The following RBM47 variants were observed in gnomAD, a reference collection of about 807,000 sequenced individuals.
RBM47 encodes the protein RNA binding motif protein 47, also known as RNA-binding protein 47.
A neutral mutation model predicts 47.1 loss-of-function variants in RBM47; 21 were observed. The ratio of observed to expected loss-of-function variants is 0.45; its 90% CI spans 0.32 to 0.64. The LOEUF (loss-of-function observed/expected upper bound fraction) is 0.64, where lower values mean the gene tolerates loss of function less well. Ranked by LOEUF, RBM47 falls within the 30% of genes least tolerant of loss-of-function variation. The pLI is 0.05. For synonymous variants in RBM47, 375 were observed against 361.7 expected (o/e 1.04, Z -0.42); for missense variants, 708 against 870.9 (o/e 0.81, Z 2.35).
At chr4:40,507,725 G>C (rs1226436000) in intron 2 of RBM47, among the ~76,000 whole-genome samples, 1 of 151,946 alleles carries the variant, frequency 6.6e-6, no homozygotes, top group Non-Finnish European at 1.5e-5. Flanking sequence ...GGCGGAGGTT[G>C]CAGTGACCCG....
upstream of RBM47, chr4:40,630,591 G>A (rs7690530): frequency 0.42 from 63,632 of 152,066 alleles, 15,143 homozygotes; most frequent in African/African-American, 0.64. Context: ...GCTCATTTTA[G>A]TGCGCTCTGA....
intron 2 of RBM47, among the ~76,000 whole-genome samples, chr4:40,540,882 GATAT>G (rs1728468171): frequency 6.6e-6 from 1 of 151,172 alleles, no homozygotes; most frequent in South Asian, 2.1e-4. Flanking sequence ...CAAGCTTATT[GATAT>G]AAATCATATA....
Position 40,428,074 on chromosome 4 carries a change from T to C in RBM47, c.1543-1931A>G, listed in dbSNP as rs950029381. 5.9e-5 allele frequency among the ~76,000 whole-genome samples: 9 copies of C among 152,156 alleles called. No homozygotes were observed. In the South Asian group the frequency reaches 1.9e-3, roughly 32 times the overall value. On this transcript the variant is annotated intron_variant, in intron 6 of 6. Transcript: ENST00000295971. ...GCCATGGCGGTGCGTACTCCTGTAG[T>C]TCCAGCTACTCAAGAGGCTGAGGTG...
chr4:40,616,487 G>C (rs1736747377), intron 1 of RBM47, among the ~76,000 whole-genome samples: 2 of 151,942 alleles, frequency 1.3e-5, no homozygotes, highest in East Asian at 3.9e-4. Flanking sequence ...GGAGGTTGTA[G>C]TGTGGCGCTA....
chr4:40,545,934 C>T (rs190736967), intron 1 of RBM47, among the ~76,000 whole-genome samples: 1 of 151,986 alleles, frequency 6.6e-6, no homozygotes, highest in Non-Finnish European at 1.5e-5. Flanking sequence ...GCCTTTGGGG[C>T]CTAGCACACA....
At chr4:40,508,151 T>C (rs1724384118) in intron 2 of RBM47, among the ~76,000 whole-genome samples, 1 of 152,194 alleles carries the variant, frequency 6.6e-6, no homozygotes, top group Admixed American at 6.5e-5. Context: ...TCTGGCATTG[T>C]CTTTGCCAGG....
rs2154207193 is a variant in RBM47, at chr4:40,424,882, T to C, written c.*1022A>G. 6.6e-6 allele frequency: 1 copy of C among 152,146 alleles called. No homozygotes were observed. Among genetic ancestry groups the C allele is most frequent in the Middle Eastern group, 3.4e-3 (1 of 294 alleles). The allele number at this position is 152,146 out of a possible 1,614,324, so 9.4% of individuals were successfully genotyped here. A position where few individuals can be genotyped will look rare whatever the true frequency, so the allele number is the denominator to read the frequency against. ...TAAAGTTTTACATTGGGCAATTAAATAGCTATGCAAAGGTGTCTTATGCAA... is the reference window on the plus strand; with the variant it reads ...TAAAGTTTTACATTGGGCAATTAAACAGCTATGCAAAGGTGTCTTATGCAA... On this transcript the variant is annotated 3_prime_UTR_variant, in exon 7 of 7. Coordinates refer to ENST00000295971, the MANE Select transcript of RBM47 (RefSeq NM_001098634.2).
intron 1 of RBM47, among the ~76,000 whole-genome samples, chr4:40,587,926 G>A (rs1733750321): frequency 6.6e-6 from 1 of 152,204 alleles, no homozygotes; most frequent in South Asian, 2.1e-4. Flanking sequence ...AGCCAGCCCT[G>A]AAATGGGGCC....
intron 1 of RBM47, among the ~76,000 whole-genome samples, chr4:40,615,835 T>C (rs991473478): frequency 1.3e-5 from 2 of 152,118 alleles, no homozygotes; most frequent in African/African-American, 4.8e-5. Flanking sequence ...TCATATCCTT[T>C]TGGAAACTGA....
In RBM47 at chr4:40,468,199, A is replaced by T. The variant is rs189710280; in HGVS notation, c.-154-1500T>A. Among the ~76,000 whole-genome samples the T allele has an allele frequency of 8.1e-3, 1,241 of 152,290 alleles. 18 individuals are homozygous for T. The highest frequency in any genetic ancestry group is 0.028 in the African/African-American group (1,149 of 41,546). Reference sequence around the variant, plus strand: ...CTACTCAGGAGGCTGAGGCAGGAGAATCACTTGAACCTGGGATGCGGAGGC... The same window carrying T: ...CTACTCAGGAGGCTGAGGCAGGAGATTCACTTGAACCTGGGATGCGGAGGC... On this transcript the variant is annotated intron_variant, in intron 2 of 6. Transcript: ENST00000295971.
chr4:40,625,691 T>G, intron 1 of RBM47, among the ~76,000 whole-genome samples: 1 of 152,194 alleles, frequency 6.6e-6, no homozygotes, highest in Non-Finnish European at 1.5e-5. Context: ...AGGAACCCAC[T>G]GTGGTCTTCG....
In RBM47 at chr4:40,438,034, T is replaced by G. The variant is rs1712967238; in HGVS notation, c.860A>C (p.His287Pro). ...VKKIRDYAFV[H>P]FTSREDAVHA... ...CACGGCATCCTCGCGGCTGGTGAAGTGCACGAAGGCGTAGTCGCGGATCTT... is the reference window on the plus strand; with the variant it reads ...CACGGCATCCTCGCGGCTGGTGAAGGGCACGAAGGCGTAGTCGCGGATCTT... Residue 287 changes from histidine to proline, a missense_variant, in exon 4 of 7, where the codon CAC becomes CCC. By Grantham distance (77) the His-to-Pro change is moderately conservative. Transcript: ENST00000295971. The G allele has an allele frequency of 6.2e-7, 1 of 1,613,578 alleles. No individual in the cohort carries two copies. Among genetic ancestry groups the G allele is most frequent in the Non-Finnish European group, 8.5e-7 (1 of 1,180,032 alleles).
chr4:40,620,357 T>C (rs1188289398), intron 1 of RBM47, among the ~76,000 whole-genome samples: 1 of 151,330 alleles, frequency 6.6e-6, no homozygotes, highest in Non-Finnish European at 1.5e-5. Flanking sequence ...ATACAAAAAT[T>C]AGCCAGGCAT....
chr4:40,538,062 T>C (rs1400723324), intron 2 of RBM47, among the ~76,000 whole-genome samples: 2 of 152,128 alleles, frequency 1.3e-5, no homozygotes, highest in African/African-American at 4.8e-5. Context: ...TAATTATACA[T>C]TTATGTTTAT....
At chr4:40,550,096 G>C (rs989855849) in intron 1 of RBM47, among the ~76,000 whole-genome samples, 1 of 152,190 alleles carries the variant, frequency 6.6e-6, no homozygotes, top group South Asian at 2.1e-4. Context: ...CAGCCACAAA[G>C]GGTCAAACCC....
intron 2 of RBM47, among the ~76,000 whole-genome samples, chr4:40,519,659 CTT>C (rs35250968): frequency 5.0e-4 from 48 of 96,304 alleles, no homozygotes; most frequent in African/African-American, 1.5e-3. Flanking sequence ...CCCTACCCTC[CTT>C]TTTTTTTTTT....
chr4:40,428,191 C>G (rs1030256391), intron 6 of RBM47, among the ~76,000 whole-genome samples: 21 of 131,674 alleles, frequency 1.6e-4, no homozygotes, highest in African/African-American at 5.1e-4. Context: ...GAGACCTTGT[C>G]TCAAACAAAA....
chr4:40,573,801 G>GAACGA (rs1731999456), intron 1 of RBM47, among the ~76,000 whole-genome samples: 1 of 102,694 alleles, frequency 9.7e-6, no homozygotes, highest in Admixed American at 9.7e-5. Flanking sequence ...GAGAGAGAAA[G>GAACGA]AAAGAAAAAG....
intron 2 of RBM47, among the ~76,000 whole-genome samples, chr4:40,525,911 C>T (rs527273003): frequency 6.6e-6 from 1 of 152,350 alleles, no homozygotes; most frequent in Non-Finnish European, 1.5e-5. Flanking sequence ...ACTGGCCCAG[C>T]CCTGCTCTAG....
Sources: gnomAD v4.1 joint callset for allele counts (sites outside exome capture counted in the v4.1 genomes callset) on GRCh38, gnomAD v4.1.1 for gene constraint, MANE v1.5 for transcripts, NCBI Gene and HGNC (gene_info 2026-07-23, HGNC 2026-07-21) for gene names.